The following MACF1 variants were observed in gnomAD, a reference collection of about 807,000 sequenced individuals.
MACF1 encodes the protein microtubule-actin cross-linking factor 1.
MACF1 carries 193 observed loss-of-function variants against 854.8 expected under a neutral mutation model. The observed-to-expected ratio is 0.23, with a 90% CI of 0.20 to 0.25. The LOEUF is 0.25. Ranked by LOEUF, MACF1 falls within the 10% of genes least tolerant of loss-of-function variation. The pLI, the probability that MACF1 is intolerant of heterozygous loss-of-function variation, is 1.00. For missense variants in MACF1, 7,722 were observed against 8,929.1 expected, an observed-to-expected ratio of 0.86 and a Z score of 5.45; for synonymous variants, 3,185 against 3,226.7, an observed-to-expected ratio of 0.99 and a Z score of 0.44.
chr1:39,422,489 A>G lies in MACF1; in HGVS notation c.15932A>G (p.His5311Arg). Residue 5311 changes from histidine (H) to arginine (R), a missense_variant, in exon 59 of 101, where the codon CAT (histidine) becomes CGT (arginine). His to Arg is a conservative substitution (Grantham distance 29). Transcript: ENST00000564288. ...GACTGTGATGTACAGGGTTTAGAAC[A>G]TGACATGGAAGAGATCAATGCTCGA... ...GKDCDVQGLE[H>R]DMEEINARWN... 1 of 1,614,110 alleles carries G rather than the reference A, an allele frequency of 6.2e-7. No individual in the cohort carries two copies. Among genetic ancestry groups the G allele is most frequent in the Non-Finnish European group, 8.5e-7 (1 of 1,179,980 alleles).
chr1:39,248,446 C>A (rs187445650), intron 2 of MACF1, among the ~76,000 whole-genome samples: 1 of 152,204 alleles, frequency 6.6e-6, no homozygotes, highest in Admixed American at 6.5e-5. Context: ...CTAAAGCAGT[C>A]CTCCTGTCTC....
intron 6 of MACF1, chr1:39,268,664 G>C: frequency 1.6e-6 from 2 of 1,236,864 alleles, no homozygotes; most frequent in Non-Finnish European, 2.1e-6. Flanking sequence ...GACTGGCTTA[G>C]CTGCGTTTTT....
rs538818000 is a variant in MACF1, at chr1:39,192,739, G to A, written c.221-38443G>A. Among the ~76,000 whole-genome samples, 5 of 152,310 alleles carry A rather than the reference G, an allele frequency of 3.3e-5. No individual in the cohort carries two copies. The East Asian group carries it at 9.6e-4, about 29-fold the overall frequency. On this transcript the variant is annotated intron_variant, in intron 2 of 93. Transcript: ENST00000361689. The stretch of plus-strand genomic sequence containing the variant: ...GAAACACTAATCTAGTGATAAATGA[G>A]CTGGATTCCTTGTCTATTGTGACAT...
Position 39,105,651 on chromosome 1 carries a change from C to A in MACF1, c.220+21213C>A. The stretch of plus-strand genomic sequence containing the variant: ...GGCCGGCTACGTGCCGGGTCAGCAG[C>A]CGGCCAACCGCAGCCAGGAGAAGGA... On this transcript the variant is annotated intron_variant, in intron 2 of 93. Transcript: ENST00000361689. The surrounding 1 kb of genome is among the most constrained non-coding windows in gnomAD (Gnocchi z 5.9). 1 of 1,236,108 alleles carries A rather than the reference C, an allele frequency of 8.1e-7. No homozygotes were observed. Among genetic ancestry groups the A allele is most frequent in the African/African-American group, 1.6e-5 (1 of 61,590 alleles). 76.6% of individuals were successfully genotyped at this position (1,236,108 alleles called of 1,614,324 possible). A position where few individuals can be genotyped will look rare whatever the true frequency, so the allele number is the denominator to read the frequency against.
intron 58 of MACF1, among the ~76,000 whole-genome samples, chr1:39,399,489 C>G (rs1199904824): frequency 6.6e-6 from 1 of 150,396 alleles, no homozygotes; most frequent in Non-Finnish European, 1.5e-5. Context: ...ATTCTCTTGC[C>G]TCAGCCTCCC....
At chr1:39,127,019 G>A (rs1351329349) in intron 2 of MACF1, among the ~76,000 whole-genome samples, 1 of 151,994 alleles carries the variant, frequency 6.6e-6, no homozygotes, top group Non-Finnish European at 1.5e-5. Context: ...ATCACCTGAG[G>A]TTGGGAATTT....
Position 39,295,069 on chromosome 1 carries a change from G to A in MACF1, c.2178G>A (p.Glu726=). The A allele has an allele frequency of 6.2e-7, 1 of 1,613,960 alleles. No individual in the cohort carries two copies. Among genetic ancestry groups the A allele is most frequent in the African/African-American group, 1.3e-5 (1 of 75,026 alleles). The change falls in exon 19 of 101, where the codon GAG becomes GAA. Residue 726 remains glutamate, a synonymous_variant. Transcript: ENST00000564288. The part of the protein sequence containing the change: ...YFSELTMELE[E]KQDVFRSLQD... ...AGGAGTTGACAATGGAACTGGAGGAGAAACAGGATGTGTTTCGTTCTCTAC... is the reference window on the plus strand; with the variant it reads ...AGGAGTTGACAATGGAACTGGAGGAAAAACAGGATGTGTTTCGTTCTCTAC...
chr1:39,228,496 T>C (rs1299270749), intron 1 of MACF1, among the ~76,000 whole-genome samples: 1 of 152,146 alleles, frequency 6.6e-6, no homozygotes, highest in Admixed American at 6.5e-5. Context: ...TGACACGGGC[T>C]TGGAAAGGTT....
chr1:39,118,092 T>C (rs1292226854), intron 2 of MACF1, among the ~76,000 whole-genome samples: 3 of 152,258 alleles, frequency 2.0e-5, no homozygotes, highest in Non-Finnish European at 2.9e-5. Context: ...TGGTAACCTG[T>C]CACTGAAATG....
At chr1:39,253,534 G>A (rs1355092705) in intron 4 of MACF1, among the ~76,000 whole-genome samples, 1 of 87,406 alleles carries the variant, frequency 1.1e-5, no homozygotes, top group Non-Finnish European at 2.4e-5. Context: ...TTTTTTTTGA[G>A]GTGGAGTCTC....
In MACF1 at chr1:39,434,439, A is replaced by C; in HGVS notation, c.17591A>C (p.Gln5864Pro). ...LQEKTESLIQ[Q>P]YEAISLLNSE... ...GAAAAGACAGAGTCTCTAATACAGC[A>C]ATATGAAGCCATTAGCCTACTCAAT... is the stretch of plus-strand genomic sequence containing the variant. The change falls in exon 69 of 101, where the codon CAA becomes CCA. Residue 5864 changes from glutamine (Q) to proline (P), a missense_variant. Gln to Pro is a moderately conservative substitution (Grantham distance 76). Around this residue, in one of 15 missense-constraint regions of MACF1, gnomAD observed 2,807 missense variants for 3,235.8 expected, o/e 0.87. Coordinates refer to ENST00000564288, the MANE Select transcript of MACF1 (RefSeq NM_001394062.1). The C allele has an allele frequency of 6.2e-7, 1 of 1,608,480 alleles. No homozygotes were observed. Among genetic ancestry groups the C allele is most frequent in the East Asian group, 2.2e-5 (1 of 44,784 alleles).
Position 39,369,868 on chromosome 1 carries a change from T to C in MACF1, c.12939-162T>C, listed in dbSNP as rs582883. The stretch of plus-strand genomic sequence containing the variant: ...TATTCCTGAGTTTGGTACGCTTCAA[T>C]GTTATATGCGGTTGTTCAGCCAAAC... On this transcript the variant is annotated intron_variant, in intron 50 of 100. Transcript: ENST00000564288. Among the ~76,000 whole-genome samples the C allele has an allele frequency of 0.37, 55,532 of 152,076 alleles. 11,150 individuals carry two copies. The highest frequency in any genetic ancestry group is 0.54 in the African/African-American group (22,454 of 41,470).
chr1:39,211,645 G>C (rs1644517802), intron 1 of MACF1, among the ~76,000 whole-genome samples: 3 of 152,092 alleles, frequency 2.0e-5, no homozygotes, highest in South Asian at 4.1e-4. Flanking sequence ...CATTTTGGGA[G>C]GCTGAGGTGG....
At chr1:39,447,978 G>T in intron 82 of MACF1, 55 bp from the exon 83 acceptor site, 1 of 1,611,146 alleles carries the variant, frequency 6.2e-7, no homozygotes, top group African/African-American at 1.3e-5. Flanking sequence ...ATTCTCAAAC[G>T]TGCTGTATAG....
intron 2 of MACF1, among the ~76,000 whole-genome samples, chr1:39,237,803 A>T (rs545262785): frequency 6.6e-5 from 10 of 152,208 alleles, no homozygotes; most frequent in Admixed American, 4.6e-4. Context: ...AAAAATTAGC[A>T]AAAACTGTTG....
At chr1:39,233,643 T>C (rs1571203611) in intron 2 of MACF1, among the ~76,000 whole-genome samples, 1 of 152,080 alleles carries the variant, frequency 6.6e-6, no homozygotes, top group South Asian at 2.1e-4. Flanking sequence ...GTACTGCAGG[T>C]GAGCATGATT....
At chr1:39,100,912 G>A (rs558817983) in intron 2 of MACF1, among the ~76,000 whole-genome samples, 172 of 151,506 alleles carry the variant, frequency 1.1e-3, no homozygotes, top group South Asian at 9.8e-3. Flanking sequence ...AAATGCACGC[G>A]CGCGTGTGTG....
rs531461183 is a variant in MACF1, at chr1:39,277,603, G to A, written c.529-4605G>A. Among the ~76,000 whole-genome samples the A allele has an allele frequency of 1.2e-4, 19 of 152,268 alleles. No individual in the cohort carries two copies. The East Asian group carries it at 3.3e-3, about 26-fold the overall frequency. On this transcript the variant is annotated intron_variant, in intron 6 of 100. Transcript: ENST00000564288. ...GGCATGTCTCAACTAAGTTCTTGCAGGCCAAGCATGTCTTCTTTTTTTGTT... is the reference window on the plus strand; with the variant it reads ...GGCATGTCTCAACTAAGTTCTTGCAAGCCAAGCATGTCTTCTTTTTTTGTT...
At chr1:39,311,742 A>C (rs1646305413) in intron 26 of MACF1, among the ~76,000 whole-genome samples, 1 of 152,218 alleles carries the variant, frequency 6.6e-6, no homozygotes, top group Non-Finnish European at 1.5e-5. Flanking sequence ...AATGTCATGA[A>C]TAGTAACTAG....
Sources: gnomAD v4.1 joint callset for allele counts (sites outside exome capture counted in the v4.1 genomes callset) on GRCh38, gnomAD v4.1.1 for gene constraint, gnomAD v4.1.1 regional missense constraint, Gnocchi (gnomAD v3.1) non-coding constraint, MANE v1.5 for transcripts, NCBI Gene and HGNC (gene_info 2026-07-23, HGNC 2026-07-21) for gene names.